Variants in GBGT1 observed in about 807,000 individuals in gnomAD.
The protein encoded by GBGT1 is globoside alpha-1,3-N-acetylgalactosaminyltransferase 1 (FORS blood group), also known as globoside alpha-1,3-N-acetylgalactosaminyltransferase 1.
A neutral mutation model predicts 20.9 loss-of-function variants in GBGT1; 18 were observed. That is an observed-to-expected ratio of 0.86 (90% CI 0.60 to 1.28). The LOEUF (loss-of-function observed/expected upper bound fraction) is 1.28, where lower values mean the gene tolerates loss of function less well. Ranked by LOEUF, GBGT1 falls within the 50% of genes most tolerant of loss-of-function variation. The pLI is 0.00. For missense variants in GBGT1, 432 were observed against 455.7 expected (o/e 0.95, Z 0.47); for synonymous variants, 168 against 180.8 (o/e 0.93, Z 0.57).
chr9:133,157,377 C>T (rs2088810464), intron 3 of GBGT1, among the ~76,000 whole-genome samples: 1 of 152,084 alleles, frequency 6.6e-6, no homozygotes, highest in Non-Finnish European at 1.5e-5. Context: ...CTCACCATCA[C>T]ATAAGTCAAT....
chr9:133,153,870 C>G lies in GBGT1; in HGVS notation c.751G>C (p.Val251Leu). 1 of 1,601,688 alleles carries G rather than the reference C, an allele frequency of 6.2e-7. No individual in the cohort carries two copies. The highest frequency in any genetic ancestry group is 8.5e-7 in the Non-Finnish European group (1 of 1,170,838). The change falls in exon 7 of 7, where the codon GTG becomes CTG. Residue 251 changes from valine (V) to leucine (L), a missense_variant. Coordinates refer to ENST00000372040, the MANE Select transcript of GBGT1 (RefSeq NM_021996.6). The part of the protein sequence containing the change: ...YERRRVSTAF[V>L]ADSEGDFYYG... ...TAGAAGTCCCCTTCGCTGTCTGCCA[C>G]AAAGGCAGTGGAAACACGCCTGCGC...
At chr9:133,155,966 A>G (rs377538663) in intron 4 of GBGT1, 30 bp from the exon 5 acceptor site, 3 of 1,612,830 alleles carry the variant, frequency 1.9e-6, no homozygotes, top group African/African-American at 2.7e-5. Flanking sequence ...GTGATGGAGG[A>G]GAGCCACCAC....
intron 2 of GBGT1, among the ~76,000 whole-genome samples, chr9:133,161,895 A>T (rs540510736): frequency 6.6e-6 from 1 of 152,188 alleles, no homozygotes; most frequent in African/African-American, 2.4e-5. Context: ...CCCCATCAAC[A>T]TTGGTTGAAG....
At chr9:133,159,252 C>T (rs1447265293) in intron 3 of GBGT1, among the ~76,000 whole-genome samples, 1 of 152,232 alleles carries the variant, frequency 6.6e-6, no homozygotes, top group African/African-American at 2.4e-5. Context: ...TAAGCCGCTA[C>T]ACCCAGCCAA....
intron 3 of GBGT1, 114 bp downstream of exon 3, chr9:133,161,353 C>A: frequency 1.6e-6 from 1 of 617,228 alleles, no homozygotes; most frequent in Non-Finnish European, 2.9e-6. Flanking sequence ...TTATCAGAAA[C>A]ATGAACTTAG....
chr9:133,155,477 A>T, intron 5 of GBGT1, 165 bp from the exon 6 acceptor site: 2 of 735,948 alleles, frequency 2.7e-6, no homozygotes, highest in Non-Finnish European at 4.4e-6. Context: ...ACCTCCCAGC[A>T]GGGTTGGGAG....
intron 3 of GBGT1, chr9:133,160,002 A>G (rs963960915): frequency 6.5e-6 from 1 of 153,942 alleles, no homozygotes; most frequent in Non-Finnish European, 1.5e-5. Flanking sequence ...AAAAAAAAAA[A>G]ATTAAGGCCA....
intron 1 of GBGT1, chr9:133,163,067 G>A (rs1037159848): frequency 2.0e-5 from 3 of 153,226 alleles, no homozygotes; most frequent in Non-Finnish European, 4.4e-5. Flanking sequence ...TCCCTGCCTT[G>A]GCTCCCGCGT....
At position 133,154,093 on chromosome 9, in the gene GBGT1, C is replaced by G; in HGVS notation, c.528G>C (p.Trp176Cys). Residue 176 changes from tryptophan (W) to cysteine (C), a missense_variant, in exon 7 of 7, where the codon TGG (tryptophan) becomes TGC (cysteine). Physicochemically the swap from Trp to Cys is radical, Grantham distance 215. Transcript: ENST00000372040. The surrounding 1 kb of genome is among the most constrained non-coding windows in gnomAD (Gnocchi z 4.2). Reference sequence around the variant, plus strand: ...CCATCCGGCGCATGGATGTCTCCTCCCAGTGGGAGTGACCCTGGATGGGGA... The same window carrying G: ...CCATCCGGCGCATGGATGTCTCCTCGCAGTGGGAGTGACCCTGGATGGGGA... Reference protein sequence around the residue: ...SSIPIQGHSHWEETSMRRMET... With the variant: ...SSIPIQGHSHCEETSMRRMET... 1.9e-6 allele frequency: 3 copies of G among 1,613,100 alleles called. No individual in the cohort carries two copies. Among genetic ancestry groups the G allele is most frequent in the Non-Finnish European group, 2.5e-6 (3 of 1,179,720 alleles).
In GBGT1 at chr9:133,154,042, C is replaced by G. The variant is rs1184742108; in HGVS notation, c.579G>C (p.Lys193Asn). The change falls in exon 7 of 7, where the codon AAG becomes AAC. Residue 193 changes from lysine (K) to asparagine (N), a missense_variant. Coordinates refer to ENST00000372040, the MANE Select transcript of GBGT1 (RefSeq NM_021996.6). The surrounding 1 kb of genome is among the most constrained non-coding windows in gnomAD (Gnocchi z 4.2). ...GGTAGTCCACCTCCCGGTGAGCCCTCTTAGCAATGTGCTGGCTGATGGTCT... is the reference window on the plus strand; with the variant it reads ...GGTAGTCCACCTCCCGGTGAGCCCTGTTAGCAATGTGCTGGCTGATGGTCT... ...RMETISQHIA[K>N]RAHREVDYLF... The G allele has an allele frequency of 6.2e-7, 1 of 1,613,778 alleles. No homozygotes were observed. Among genetic ancestry groups the G allele is most frequent in the Non-Finnish European group, 8.5e-7 (1 of 1,180,010 alleles).
At chr9:133,162,928 TG>T (rs1833099600) in intron 1 of GBGT1, among the ~76,000 whole-genome samples, 1 of 152,196 alleles carries the variant, frequency 6.6e-6, no homozygotes, top group Non-Finnish European at 1.5e-5. Flanking sequence ...TAGGTCCCGC[TG>T]GACCCCGGGC....
At position 133,154,252 on chromosome 9, in the gene GBGT1, A is replaced by C; in HGVS notation, c.369T>G (p.His123Gln). 1 of 1,525,336 alleles carries C rather than the reference A, an allele frequency of 6.6e-7. No individual in the cohort carries two copies. The allele number at this position is 1,525,336 out of a possible 1,614,324, so 94.5% of individuals were successfully genotyped here. The change falls in exon 7 of 7, where the codon CAT becomes CAG. Residue 123 changes from histidine (H) to glutamine (Q), a missense_variant. Coordinates refer to ENST00000372040, the MANE Select transcript of GBGT1 (RefSeq NM_021996.6). This position sits in a 1 kb window ranked among gnomAD's most constrained non-coding sequence, Gnocchi z 4.2. ...CTGACTCCAGGAAGGACTGGATGAA[A>C]TGAGTGTACCTAGTGATGATCACCC... ...VTVFAVGKYT[H>Q]FIQSFLESAE... is the part of the protein sequence containing the mutation.
At position 133,155,415 on chromosome 9, in the gene GBGT1, C is replaced by G; in HGVS notation, c.225-103G>C. The G allele has an allele frequency of 2.2e-6, 3 of 1,385,952 alleles. No individual in the cohort carries two copies. The South Asian group carries it at 3.7e-5, about 17-fold the overall frequency. 85.9% of individuals were successfully genotyped at this position (1,385,952 alleles called of 1,614,324 possible). On this transcript the variant is annotated intron_variant, in intron 5 of 6. Transcript: ENST00000372040. ...CTGTGTGACCCGGGGCAGCTTCGTC[C>G]CCATCTCTGGGCCTCCCTTTCCTCA...
intron 3 of GBGT1, among the ~76,000 whole-genome samples, chr9:133,158,041 A>G (rs965910939): frequency 1.3e-5 from 2 of 151,728 alleles, no homozygotes; most frequent in African/African-American, 4.8e-5. Context: ...GCTACTTGGG[A>G]GGCTGAGGGA....
At chr9:133,156,815 C>T (rs935997915) in intron 3 of GBGT1, among the ~76,000 whole-genome samples, 1 of 152,194 alleles carries the variant, frequency 6.6e-6, no homozygotes, top group South Asian at 2.1e-4. Flanking sequence ...CTCATTACCA[C>T]CCCCGGCTGA....
At position 133,162,336 on chromosome 9, in the gene GBGT1, ACT is replaced by A. The variant is rs1389126993; in HGVS notation, c.71+4_71+5del. On this transcript the variant is annotated splice_donor_5th_base_variant and intron_variant, in intron 2 of 6. Transcript: ENST00000372040. ...AGACAGGGGGAGCTCCGTGGGGCAG[ACT>A]CACCACAGGACACTGAGGCTTGTGC... The A allele has an allele frequency of 6.2e-7, 1 of 1,607,906 alleles. No individual in the cohort carries two copies. The highest frequency in any genetic ancestry group is 1.3e-5 in the African/African-American group (1 of 74,614).
rs769944218 is a variant in GBGT1, at chr9:133,154,161, C to T, written c.460G>A (p.Val154Ile). 43 of 1,595,192 alleles carry T rather than the reference C, an allele frequency of 2.7e-5. No individual in the cohort carries two copies. In the East Asian group the frequency reaches 4.3e-4, roughly 16 times the overall value. The change falls in exon 7 of 7, where the codon GTT becomes ATT. Residue 154 changes from valine to isoleucine, a missense_variant. Val to Ile is a conservative substitution (Grantham distance 29). Transcript: ENST00000372040. This position sits in a 1 kb window ranked among gnomAD's most constrained non-coding sequence, Gnocchi z 4.2. ...TGGGGACCCAGCGGGACCCCGGGAA[C>T]GGCTGCAGGGTTGTCAGTGAAGATG... The part of the protein sequence containing the change: ...YYIFTDNPAA[V>I]PGVPLGPHRL...
At position 133,153,925 on chromosome 9, in the gene GBGT1, G is replaced by T. The variant is rs34691037; in HGVS notation, c.696C>A (p.Tyr232Ter). ...AGGGGAACTGCTGGCGGGGAACGGC[G>T]TAGTAGCTTGGGTGAATGGCAGCCA... is the stretch of plus-strand genomic sequence containing the variant. ...DLVAAIHPSY[Y>*]AVPRQQFPYE... Residue 232 changes from tyrosine (Y) to a stop codon, truncating the protein, a stop_gained, in exon 7 of 7, where the codon TAC becomes TAA. Coordinates refer to ENST00000372040, the MANE Select transcript of GBGT1 (RefSeq NM_021996.6). LOFTEE classifies it low-confidence loss of function (END_TRUNC). 1.7e-5 allele frequency: 27 copies of T among 1,609,464 alleles called. No individual in the cohort carries two copies. In the South Asian group the frequency reaches 2.2e-4, roughly 13 times the overall value.
rs371591085 is a variant in GBGT1 at position 133,154,107 on chromosome 9, C to A, written c.514G>T (p.Gly172Cys). 26 of 1,611,852 alleles carry A rather than the reference C, an allele frequency of 1.6e-5. No individual in the cohort carries two copies. Among genetic ancestry groups the A allele is most frequent in the African/African-American group, 5.3e-5 (4 of 74,878 alleles). ...HRLLSSIPIQ[G>C]HSHWEETSMR... ...GATGTCTCCTCCCAGTGGGAGTGAC[C>A]CTGGATGGGGATGGAGCTGAGAAGC... Residue 172 changes from glycine to cysteine, a missense_variant, in exon 7 of 7, where the codon GGT becomes TGT. Physicochemically the swap from Gly to Cys is radical, Grantham distance 159. Coordinates refer to ENST00000372040, the MANE Select transcript of GBGT1 (RefSeq NM_021996.6). This position sits in a 1 kb window ranked among gnomAD's most constrained non-coding sequence, Gnocchi z 4.2.
Sources: allele counts gnomAD v4.1 joint callset (sites outside exome capture counted in the v4.1 genomes callset), GRCh38; gene constraint gnomAD v4.1.1; non-coding constraint Gnocchi (gnomAD v3.1); transcripts MANE v1.5; gene names NCBI Gene and HGNC (gene_info 2026-07-23, HGNC 2026-07-21).